Variants in BABAM2 observed in about 807,000 individuals in gnomAD.
The protein encoded by BABAM2 is BRISC and BRCA1 A complex member 2.
In BABAM2, 31 loss-of-function variants were observed where a neutral mutation model predicts 54.7. That is an observed-to-expected ratio of 0.57 (90% CI 0.43 to 0.77). The LOEUF is 0.77. BABAM2 is among the 30% of genes least tolerant of loss of function. The probability of loss-of-function intolerance (pLI) is 0.00; values close to 1 mark genes in which losing one functional copy is unlikely to be tolerated. For synonymous variants in BABAM2, 167 were observed against 162.9 expected (o/e 1.03, Z -0.19); for missense variants, 364 against 455.8 (o/e 0.80, Z 1.83).
intron 5 of BABAM2, among the ~76,000 whole-genome samples, chr2:28,038,629 T>C (rs952427519): frequency 3.9e-5 from 6 of 152,142 alleles, no homozygotes; most frequent in African/African-American, 1.4e-4. Context: ...TGAGAACATG[T>C]GGTATATGGT....
intron 3 of BABAM2, among the ~76,000 whole-genome samples, chr2:27,935,832 G>T (rs1403618767): frequency 1.3e-5 from 2 of 152,222 alleles, no homozygotes; most frequent in Non-Finnish European, 2.9e-5. Flanking sequence ...CCCTGCAGTA[G>T]CAAAGAGATT....
At chr2:28,110,074 C>T (rs926231471) in intron 6 of BABAM2, among the ~76,000 whole-genome samples, 4 of 152,104 alleles carry the variant, frequency 2.6e-5, no homozygotes, top group African/African-American at 7.2e-5. Context: ...TCTGTCACTG[C>T]GATTTTGACT....
At chr2:27,909,383 G>A (rs10204488) in intron 2 of BABAM2, among the ~76,000 whole-genome samples, 107,740 of 152,038 alleles carry the variant, frequency 0.71, 39,071 homozygotes, top group Middle Eastern at 0.83. Flanking sequence ...AGAAATGTCT[G>A]TTCAAGTCTT....
chr2:28,134,603 G>A (rs1670380292), intron 7 of BABAM2: 1 of 152,242 alleles, frequency 6.6e-6, no homozygotes, highest in African/African-American at 2.4e-5. Context: ...TCTTTCACAA[G>A]TACAGAATTT....
At chr2:28,244,629 C>T in intron 9 of BABAM2, 151 bp from the exon 10 acceptor site, 1 of 641,114 alleles carries the variant, frequency 1.6e-6, no homozygotes, top group Admixed American at 2.9e-5. Context: ...AACCCCAGGC[C>T]CTTCCTGCAT....
intron 2 of BABAM2, among the ~76,000 whole-genome samples, chr2:27,921,515 A>G (rs1198174098): frequency 6.6e-6 from 1 of 152,158 alleles, no homozygotes; most frequent in Non-Finnish European, 1.5e-5. Flanking sequence ...TTAATGTAGT[A>G]ATTAAGAAAG....
At chr2:27,928,116 A>G (rs1052317164) in intron 2 of BABAM2, among the ~76,000 whole-genome samples, 8 of 152,110 alleles carry the variant, frequency 5.3e-5, no homozygotes, top group Non-Finnish European at 8.8e-5. Context: ...TGTTCAAGCA[A>G]TTCGCCTGAG....
intron 7 of BABAM2, among the ~76,000 whole-genome samples, chr2:28,192,341 T>G (rs868110089): frequency 5.9e-4 from 89 of 151,432 alleles, no homozygotes; most frequent in African/African-American, 2.0e-3. Flanking sequence ...GCCAGGAGAT[T>G]GTATATTACC....
chr2:27,986,913 C>T (rs1478426711), intron 3 of BABAM2, among the ~76,000 whole-genome samples: 1 of 152,040 alleles, frequency 6.6e-6, no homozygotes, highest in East Asian at 1.9e-4. Context: ...AGAGCTGATT[C>T]TTGGGATGAG....
chr2:28,259,106 T>TTTTTTTTC (rs1553352395), intron 10 of BABAM2, among the ~76,000 whole-genome samples: 3 of 109,634 alleles, frequency 2.7e-5, no homozygotes, highest in Non-Finnish European at 3.8e-5. Context: ...TTTTTTTTTT[T>TTTTTTTTC]CAGACTGAGT....
chr2:27,987,407 TA>T (rs1354713913), intron 3 of BABAM2, among the ~76,000 whole-genome samples: 5 of 152,212 alleles, frequency 3.3e-5, no homozygotes, highest in Non-Finnish European at 7.4e-5. Context: ...CCTGTAAAAA[TA>T]ATCAGTACAT....
At chr2:28,037,645 T>C (rs1676761303) in intron 5 of BABAM2, among the ~76,000 whole-genome samples, 2 of 152,224 alleles carry the variant, frequency 1.3e-5, no homozygotes, top group African/African-American at 4.8e-5. Flanking sequence ...CCATAAAGTT[T>C]ATACAGGTTT....
At chr2:28,013,732 T>TACACACAC (rs1558657061) in intron 4 of BABAM2, among the ~76,000 whole-genome samples, 6 of 98,060 alleles carry the variant, frequency 6.1e-5, no homozygotes, top group Admixed American at 2.0e-4. Flanking sequence ...CACACACACG[T>TACACACAC]GTGTGTGTGT....
chr2:28,149,962 G>A (rs1671865478), intron 7 of BABAM2, among the ~76,000 whole-genome samples: 1 of 152,172 alleles, frequency 6.6e-6, no homozygotes, highest in South Asian at 2.1e-4. Context: ...GTTTTACATA[G>A]TATCTTTTCA....
intron 7 of BABAM2, among the ~76,000 whole-genome samples, chr2:28,175,622 A>G (rs1674840622): frequency 6.6e-6 from 1 of 152,188 alleles, no homozygotes; most frequent in African/African-American, 2.4e-5. Context: ...CACTGCTAAC[A>G]CAAATGTGTG....
intron 10 of BABAM2, among the ~76,000 whole-genome samples, chr2:28,258,259 T>A (rs1246791670): frequency 6.6e-6 from 1 of 152,224 alleles, no homozygotes; most frequent in Non-Finnish European, 1.5e-5. Context: ...AGTCTTTGTA[T>A]GGACGTATGT....
chr2:28,030,507 T>C (rs1676218240), intron 5 of BABAM2, among the ~76,000 whole-genome samples: 1 of 151,952 alleles, frequency 6.6e-6, no homozygotes, highest in African/African-American at 2.4e-5. Flanking sequence ...AAACTATGAG[T>C]TGGAATCAGG....
At position 27,958,809 on chromosome 2, in the gene BABAM2, C is replaced by A. The variant is rs980662083; in HGVS notation, c.205+28901C>A. ...GGTCTGCCTTCCTTGGGAGAATTTG[C>A]ACACAGTATACACTATCAGTGTGAA... On this transcript the variant is annotated intron_variant, in intron 3 of 11. Coordinates refer to ENST00000379624, the MANE Select transcript of BABAM2 (RefSeq NM_199191.3). Among the ~76,000 whole-genome samples, 18 of 152,212 alleles carry A rather than the reference C, an allele frequency of 1.2e-4. 1 individual carries two copies. The highest frequency in any genetic ancestry group is 4.3e-4 in the African/African-American group (18 of 41,538).
At chr2:27,891,228 C>T (rs1219722144) in intron 1 of BABAM2, 1 of 152,190 alleles carries the variant, frequency 6.6e-6, no homozygotes, top group Non-Finnish European at 1.5e-5. Flanking sequence ...GGGGAAATTG[C>T]TTCCCCAGTG....
Sources: allele counts gnomAD v4.1 joint callset (sites outside exome capture counted in the v4.1 genomes callset), GRCh38; gene constraint gnomAD v4.1.1; transcripts MANE v1.5; gene names NCBI Gene and HGNC (gene_info 2026-07-23, HGNC 2026-07-21).